TANC2: variants seen among roughly 807,000 people sequenced by gnomAD.
TANC2 encodes the protein protein TANC2.
TANC2 carries 26 observed loss-of-function variants against 210.5 expected under a neutral mutation model. The observed-to-expected ratio is 0.12, with a 90% CI of 0.09 to 0.17. TANC2 has a LOEUF of 0.17. Among genes scored for constraint, TANC2 ranks in the 10% least tolerant of loss-of-function variants. The pLI is 1.00. For synonymous variants in TANC2, 931 were observed against 967.1 expected (o/e 0.96, Z 0.69); for missense variants, 2,129 against 2,608.9 (o/e 0.82, Z 4.01).
intron 20 of TANC2, 117 bp from the exon 21 acceptor site, chr17:63,406,037 G>T: frequency 1.5e-6 from 2 of 1,338,126 alleles, no homozygotes; most frequent in Non-Finnish European, 1.0e-6. Context: ...GAAGTGGAAA[G>T]ATACATGGGT....
Position 63,196,222 on chromosome 17 carries a change from A to T in TANC2, c.582+2083A>T, listed in dbSNP as rs534932315. Among the ~76,000 whole-genome samples, 4 of 152,304 alleles carry T rather than the reference A, an allele frequency of 2.6e-5. No individual in the cohort carries two copies. In the East Asian group the frequency reaches 7.7e-4, roughly 29 times the overall value. The stretch of plus-strand genomic sequence containing the variant: ...ATGATGTCAGATCTGATGATTTTTT[A>T]AATCAATTTACATTGTAACTATGTC... On this transcript the variant is annotated intron_variant, in intron 6 of 27. Transcript: ENST00000689528.
chr17:63,137,097 T>C (rs984338129), intron 4 of TANC2, among the ~76,000 whole-genome samples: 1 of 152,126 alleles, frequency 6.6e-6, no homozygotes, highest in African/African-American at 2.4e-5. Flanking sequence ...TATTTTTTAT[T>C]TTTTTTCATT....
intron 7 of TANC2, among the ~76,000 whole-genome samples, chr17:63,214,219 C>G (rs2041965175): frequency 6.6e-6 from 1 of 152,134 alleles, no homozygotes; most frequent in South Asian, 2.1e-4. Flanking sequence ...TAGAGAAGTC[C>G]AGGGACAGAG....
intron 2 of TANC2, among the ~76,000 whole-genome samples, chr17:63,016,927 T>G (rs2034134842): frequency 6.6e-6 from 1 of 152,200 alleles, no homozygotes; most frequent in Non-Finnish European, 1.5e-5. Flanking sequence ...GGAGGAGTTA[T>G]TTATATGTTC....
At chr17:63,119,007 C>T (rs939026676) in intron 4 of TANC2, among the ~76,000 whole-genome samples, 1 of 152,092 alleles carries the variant, frequency 6.6e-6, no homozygotes, top group Non-Finnish European at 1.5e-5. Flanking sequence ...TGGTCTCGAT[C>T]TCCTGACCCC....
chr17:62,995,913 G>A (rs1333599440), intron 1 of TANC2, among the ~76,000 whole-genome samples: 1 of 152,206 alleles, frequency 6.6e-6, no homozygotes, highest in East Asian at 1.9e-4. Context: ...AACAGTGATA[G>A]CACTGCTGTA....
At position 62,985,620 on chromosome 17, in the gene TANC2, T is replaced by G. The variant is rs568245963; in HGVS notation, c.-24+18871T>G. ...TGACCTGTCATCAGAGTTCAGAAATTCTTTCTTCTGCTTGGTCTAATCTAT... is the reference window on the plus strand; with the variant it reads ...TGACCTGTCATCAGAGTTCAGAAATGCTTTCTTCTGCTTGGTCTAATCTAT... On this transcript the variant is annotated intron_variant, in intron 1 of 27. Coordinates refer to ENST00000689528, the Ensembl canonical transcript of TANC2. Among the ~76,000 whole-genome samples the G allele has an allele frequency of 1.8e-4, 27 of 152,254 alleles. No homozygotes were observed. In the South Asian group the frequency reaches 5.4e-3, roughly 30 times the overall value.
At chr17:63,059,295 A>AG (rs2035914075) in intron 2 of TANC2, among the ~76,000 whole-genome samples, 1 of 152,204 alleles carries the variant, frequency 6.6e-6, no homozygotes, top group African/African-American at 2.4e-5. Flanking sequence ...CTCAGGAACA[A>AG]TTAAACATTT....
intron 9 of TANC2, among the ~76,000 whole-genome samples, chr17:63,291,482 C>A (rs1452566617): frequency 6.6e-6 from 1 of 152,134 alleles, no homozygotes; most frequent in Non-Finnish European, 1.5e-5. Flanking sequence ...TACATACCCT[C>A]TGACAAGAAC....
intron 12 of TANC2, among the ~76,000 whole-genome samples, chr17:63,343,405 C>T (rs1358428391): frequency 1.3e-5 from 2 of 152,068 alleles, no homozygotes; most frequent in African/African-American, 2.4e-5. Context: ...GATGTATGCA[C>T]CTAATAACAG....
chr17:63,230,542 C>CA (rs1248177876), intron 7 of TANC2, among the ~76,000 whole-genome samples: 11 of 152,172 alleles, frequency 7.2e-5, no homozygotes. Flanking sequence ...TTTATTTACC[C>CA]AGGAGTCATT....
intron 3 of TANC2, among the ~76,000 whole-genome samples, chr17:63,098,467 CACACACACACACA>C (rs1567720917): frequency 1.0e-3 from 39 of 38,362 alleles, no homozygotes; most frequent in African/African-American, 7.1e-3. Context: ...CACACACACA[CACACACACACACA>C]TACACTCTCT....
intron 4 of TANC2, among the ~76,000 whole-genome samples, chr17:63,131,292 C>T (rs1196498255): frequency 6.6e-6 from 1 of 152,092 alleles, no homozygotes; most frequent in Non-Finnish European, 1.5e-5. Flanking sequence ...CAAACTAAAA[C>T]CTAATCATAA....
In TANC2 at chr17:63,418,191, T is replaced by G; in HGVS notation, c.4168-116T>G. 1 of 1,054,408 alleles carries G rather than the reference T, an allele frequency of 9.5e-7. No homozygotes were observed. Among genetic ancestry groups the G allele is most frequent in the Non-Finnish European group, 1.4e-6 (1 of 721,320 alleles). 65.3% of individuals were successfully genotyped at this position (1,054,408 alleles called of 1,614,324 possible). ...TGAGCCATGTCAGGCACGTCTAGCG[T>G]CCCAGGCGTTCCATCCATGAATGTC... On this transcript the variant is annotated intron_variant, in intron 26 of 27. Coordinates refer to ENST00000689528, the Ensembl canonical transcript of TANC2. The surrounding 1 kb of genome is among the most constrained non-coding windows in gnomAD (Gnocchi z 4.6).
intron 8 of TANC2, among the ~76,000 whole-genome samples, chr17:63,260,657 C>T (rs1369371558): frequency 1.3e-5 from 2 of 151,630 alleles, no homozygotes; most frequent in African/African-American, 4.8e-5. Flanking sequence ...CACGCCTACT[C>T]GGAAGGCTAA....
intron 14 of TANC2, among the ~76,000 whole-genome samples, chr17:63,362,689 A>G (rs761938216): frequency 6.6e-6 from 1 of 152,182 alleles, no homozygotes; most frequent in African/African-American, 2.4e-5. Flanking sequence ...CCGGGTCACA[A>G]CAGTGCCCAG....
At chr17:63,417,252 G>A (rs2048892677) in intron 26 of TANC2, among the ~76,000 whole-genome samples, 1 of 152,112 alleles carries the variant, frequency 6.6e-6, no homozygotes, top group African/African-American at 2.4e-5. Flanking sequence ...ATGCCCCAGG[G>A]CCTTTGTTCT....
intron 18 of TANC2, among the ~76,000 whole-genome samples, chr17:63,397,595 C>G (rs1234404434): frequency 6.6e-6 from 1 of 152,188 alleles, no homozygotes; most frequent in African/African-American, 2.4e-5. Flanking sequence ...TTGCCAGTTT[C>G]AAGGGTGTAA....
chr17:63,058,061 G>A (rs2035867415), intron 2 of TANC2, among the ~76,000 whole-genome samples: 2 of 152,104 alleles, frequency 1.3e-5, no homozygotes, highest in African/African-American at 2.4e-5. Flanking sequence ...CAGTGTATAA[G>A]CATTACCTTT....
Sources: gnomAD v4.1 joint callset for allele counts (sites outside exome capture counted in the v4.1 genomes callset) on GRCh38, gnomAD v4.1.1 for gene constraint, Gnocchi (gnomAD v3.1) non-coding constraint, MANE v1.5 for transcripts, NCBI Gene and HGNC (gene_info 2026-07-23, HGNC 2026-07-21) for gene names.